Variants in CDK17 observed in about 807,000 individuals in gnomAD.
The protein encoded by CDK17 is cyclin dependent kinase 17, also known as cyclin-dependent kinase 17.
Under a neutral mutation model 77.6 loss-of-function variants are expected in CDK17, and 24 were observed. The ratio of observed to expected loss-of-function variants is 0.31; its 90% CI spans 0.22 to 0.44. The LOEUF (loss-of-function observed/expected upper bound fraction) is 0.44, where lower values mean the gene tolerates loss of function less well. CDK17 is among the 20% of genes least tolerant of loss of function. CDK17 has a pLI of 1.00. For missense variants in CDK17, 429 were observed against 622.5 expected (o/e 0.69, Z 3.31); for synonymous variants, 203 against 210.4 (o/e 0.96, Z 0.30).
chr12:96,344,476 G>T (rs972340250), intron 1 of CDK17, among the ~76,000 whole-genome samples: 5 of 152,148 alleles, frequency 3.3e-5, no homozygotes, highest in Non-Finnish European at 5.9e-5. Context: ...ATATACATGG[G>T]CTCTTCAGTA....
chr12:96,399,565 C>A (rs1439156271), intron 1 of CDK17, among the ~76,000 whole-genome samples: 1 of 152,064 alleles, frequency 6.6e-6, no homozygotes, highest in Non-Finnish European at 1.5e-5. Context: ...GGCAGCGTCG[C>A]CTGCGCCTCC....
rs922744750 is a variant in CDK17 at position 96,328,886 on chromosome 12, G to A, written c.119-4774C>T. The stretch of plus-strand genomic sequence containing the variant: ...AGGGTATAGACAGAGAAGAGATTGC[G>A]GCCCATGAGAGAGCCACAATAAAAT... On this transcript the variant is annotated intron_variant, in intron 2 of 16. Coordinates refer to ENST00000261211, the MANE Select transcript of CDK17 (RefSeq NM_002595.5). Among the ~76,000 whole-genome samples the A allele has an allele frequency of 1.1e-4, 17 of 152,000 alleles. 1 individual carries two copies. The highest frequency in any genetic ancestry group is 4.6e-4 in the Admixed American group (7 of 15,252).
intron 2 of CDK17, among the ~76,000 whole-genome samples, chr12:96,326,760 T>G (rs758518317): frequency 3.7e-4 from 56 of 152,186 alleles, no homozygotes; most frequent in Non-Finnish European, 7.1e-4. Flanking sequence ...AGAACCACTG[T>G]GTTAGAGGAC....
intron 1 of CDK17, among the ~76,000 whole-genome samples, chr12:96,371,409 T>C (rs1456023844): frequency 6.6e-6 from 1 of 152,162 alleles, no homozygotes; most frequent in African/African-American, 2.4e-5. Context: ...AATAAAAAAT[T>C]AAAACAGCAT....
chr12:96,285,857 G>A (rs1952239218), intron 13 of CDK17, 186 bp downstream of exon 13: 2 of 339,786 alleles, frequency 5.9e-6, no homozygotes, highest in Non-Finnish European at 1.1e-5. Context: ...TCTTCTTTCT[G>A]GGAAAAGTAA....
rs189019085 is a variant in CDK17, at chr12:96,372,582, G to A, written c.-30+27404C>T. 2.0e-5 allele frequency among the ~76,000 whole-genome samples: 3 copies of A among 151,908 alleles called. No homozygotes were observed. In the East Asian group the frequency reaches 5.8e-4, roughly 29 times the overall value. On this transcript the variant is annotated intron_variant, in intron 1 of 16. Coordinates refer to ENST00000261211, the MANE Select transcript of CDK17 (RefSeq NM_002595.5). ...CATCTTTATAAGATCTAAGGTAAAG[G>A]CCAAATTGTAGATTTTCACCAAAAC... is the stretch of plus-strand genomic sequence containing the variant.
chr12:96,308,644 G>A (rs1269824415), intron 5 of CDK17, among the ~76,000 whole-genome samples: 5 of 144,370 alleles, frequency 3.5e-5, no homozygotes, highest in Non-Finnish European at 6.1e-5. Context: ...CCAGAGAATC[G>A]CTTGAACCCG....
At chr12:96,392,876 T>C (rs1402252466) in intron 1 of CDK17, among the ~76,000 whole-genome samples, 1 of 152,196 alleles carries the variant, frequency 6.6e-6, no homozygotes, top group Non-Finnish European at 1.5e-5. Context: ...GTGGACAGAA[T>C]ACTCAGACAA....
intron 1 of CDK17, among the ~76,000 whole-genome samples, chr12:96,352,716 A>G (rs1565832466): frequency 6.6e-6 from 1 of 152,224 alleles, no homozygotes; most frequent in Non-Finnish European, 1.5e-5. Flanking sequence ...CTTTTTCACA[A>G]TGTCTGACAG....
At chr12:96,307,812 C>T (rs527537392) in intron 5 of CDK17, among the ~76,000 whole-genome samples, 18 of 152,082 alleles carry the variant, frequency 1.2e-4, no homozygotes, top group Admixed American at 8.5e-4. Flanking sequence ...GAGGTTGCAA[C>T]GAGCCGAGAT....
At position 96,289,111 on chromosome 12, in the gene CDK17, T is replaced by A. The variant is rs958746351; in HGVS notation, c.1118+56A>T. ...TATATACTTATCAATACATCTTGCA[T>A]TAACAGTTACATTCTTTCAAAATTA... On this transcript the variant is annotated intron_variant, in intron 11 of 16. Transcript: ENST00000261211. 2.6e-5 allele frequency: 41 copies of A among 1,562,664 alleles called. No individual in the cohort carries two copies. The African/African-American group carries it at 4.3e-4, about 16-fold the overall frequency.
chr12:96,365,068 T>C (rs1953560681), intron 1 of CDK17, among the ~76,000 whole-genome samples: 1 of 152,230 alleles, frequency 6.6e-6, no homozygotes, highest in Admixed American at 6.5e-5. Flanking sequence ...TTTCTGTACA[T>C]TTATCCATAA....
chr12:96,286,284 CA>C, intron 12 of CDK17, 136 bp from the exon 13 acceptor site: 1 of 271,550 alleles, frequency 3.7e-6, no homozygotes, highest in Non-Finnish European at 6.6e-6. Flanking sequence ...ATTTCAACTG[CA>C]ATTGAAATGA....
At chr12:96,373,606 A>G (rs1396667020) in intron 1 of CDK17, among the ~76,000 whole-genome samples, 1 of 151,516 alleles carries the variant, frequency 6.6e-6, no homozygotes. Context: ...AGAAGAAAAG[A>G]GAGAGAGAGA....
chr12:96,304,256 G>C (rs1308742002), intron 5 of CDK17, among the ~76,000 whole-genome samples: 1 of 151,992 alleles, frequency 6.6e-6, no homozygotes, highest in African/African-American at 2.4e-5. Context: ...ATAAGAAACG[G>C]GGCCGGGCAC....
At chr12:96,311,876 C>T (rs543244889) in intron 4 of CDK17, among the ~76,000 whole-genome samples, 11 of 151,974 alleles carry the variant, frequency 7.2e-5, no homozygotes, top group Admixed American at 3.3e-4. Flanking sequence ...TATATAACCA[C>T]TAAGAAATCA....
Position 96,318,571 on chromosome 12 carries a change from T to C in CDK17, c.284-5117A>G, listed in dbSNP as rs1214311514. 2.7e-5 allele frequency among the ~76,000 whole-genome samples: 4 copies of C among 147,106 alleles called. No homozygotes were observed. The South Asian group carries it at 6.8e-4, about 25-fold the overall frequency. ...GAAGTAAAGCTCTCCTCAGCAAATGTAAAAGAACAGAAATTTTAACAAACT... is the reference window on the plus strand; with the variant it reads ...GAAGTAAAGCTCTCCTCAGCAAATGCAAAAGAACAGAAATTTTAACAAACT... On this transcript the variant is annotated intron_variant, in intron 3 of 16. Coordinates refer to ENST00000261211, the MANE Select transcript of CDK17 (RefSeq NM_002595.5).
chr12:96,385,675 CA>C (rs1261639981), intron 1 of CDK17, among the ~76,000 whole-genome samples: 1 of 151,896 alleles, frequency 6.6e-6, no homozygotes, highest in Non-Finnish European at 1.5e-5. Context: ...AAATACAAAA[CA>C]TATTGGAGAA....
At position 96,334,780 on chromosome 12, in the gene CDK17, A is replaced by T. The variant is rs1038829271; in HGVS notation, c.57T>A (p.Asp19Glu). The change falls in exon 2 of 17, where the codon GAT (aspartate) becomes GAA (glutamate). Residue 19 changes from aspartate to glutamate, a missense_variant. Physicochemically the swap from Asp to Glu is conservative, Grantham distance 45 (BLOSUM62 2). Around this residue, in one of 4 missense-constraint regions of CDK17, gnomAD observed 262 missense variants for 385.4 expected, o/e 0.68. Transcript: ENST00000261211. ...GTTCAGCCAATTCAGACAATGATTC[A>T]TCAATAGTCTGACTTCCTCGGAGTG... Reference protein sequence around the residue: ...SLTLRGSQTIDESLSELAEQM... With the variant: ...SLTLRGSQTIEESLSELAEQM... 1.2e-6 allele frequency: 2 copies of T among 1,612,596 alleles called. No individual in the cohort carries two copies.
Sources: gnomAD v4.1 joint callset for allele counts (sites outside exome capture counted in the v4.1 genomes callset) on GRCh38, gnomAD v4.1.1 for gene constraint, gnomAD v4.1.1 regional missense constraint, MANE v1.5 for transcripts, NCBI Gene and HGNC (gene_info 2026-07-23, HGNC 2026-07-21) for gene names.